Variants in CSGALNACT1 observed in about 807,000 individuals in gnomAD.
The protein encoded by CSGALNACT1 is beta4GalNAcT-1.
Under a neutral mutation model 51.0 loss-of-function variants are expected in CSGALNACT1, and 52 were observed. That is an observed-to-expected ratio of 1.02 (90% confidence interval 0.82 to 1.29). The LOEUF (loss-of-function observed/expected upper bound fraction) is 1.29, where lower values mean the gene tolerates loss of function less well. Among genes scored for constraint, CSGALNACT1 ranks in the 50% most tolerant of loss-of-function variants. The pLI, the probability that CSGALNACT1 is intolerant of heterozygous loss-of-function variation, is 0.00. For missense variants in CSGALNACT1, 935 were observed against 679.2 expected, an observed-to-expected ratio of 1.38 and a Z score of -4.19; for synonymous variants, 341 against 254.4, an observed-to-expected ratio of 1.34 and a Z score of -3.24.
In CSGALNACT1 at chr8:19,748,491, C is replaced by T. The variant is rs562231152; in HGVS notation, c.-297+9359G>A. 1.3e-3 allele frequency among the ~76,000 whole-genome samples: 203 copies of T among 152,158 alleles called. 2 individuals carry two copies. The highest frequency in any genetic ancestry group is 2.4e-3 in the Non-Finnish European group (164 of 68,036). ...GCTCCTCCTCATCTTCCCAATGCTC[C>T]TTGACACTCGTTTTCTTTTCCATGT... On this transcript the variant is annotated intron_variant, in intron 1 of 1. Transcript: ENST00000517494.
intron 1 of CSGALNACT1, among the ~76,000 whole-genome samples, chr8:19,729,261 C>G (rs372304787): frequency 1.3e-5 from 2 of 152,172 alleles, no homozygotes; most frequent in East Asian, 1.9e-4. Context: ...TCTCAGCTCA[C>G]TCTAATACTT....
At chr8:19,611,794 T>C (rs747562655) in intron 1 of CSGALNACT1, among the ~76,000 whole-genome samples, 5 of 152,060 alleles carry the variant, frequency 3.3e-5, no homozygotes, top group African/African-American at 4.8e-5. Context: ...CGGTAAGTAG[T>C]AAAGTGATGG....
intron 9 of CSGALNACT1, among the ~76,000 whole-genome samples, chr8:19,407,461 G>C (rs553857632): frequency 6.6e-6 from 1 of 152,082 alleles, no homozygotes; most frequent in African/African-American, 2.4e-5. Flanking sequence ...TGAGATCAAC[G>C]TTTCGGGACT....
chr8:19,735,458 C>T (rs1192908398), intron 1 of CSGALNACT1, among the ~76,000 whole-genome samples: 2 of 152,012 alleles, frequency 1.3e-5, no homozygotes, highest in African/African-American at 4.8e-5. Context: ...TGACCATAAG[C>T]TCAAATCAAA....
chr8:19,548,914 G>A (rs1227184084), intron 3 of CSGALNACT1, among the ~76,000 whole-genome samples: 2 of 152,118 alleles, frequency 1.3e-5, no homozygotes, highest in East Asian at 1.9e-4. Context: ...CGCCTCCCAG[G>A]CTCAAACGAT....
intron 1 of CSGALNACT1, among the ~76,000 whole-genome samples, chr8:19,647,625 G>A (rs945358838): frequency 4.6e-5 from 7 of 152,090 alleles, no homozygotes; most frequent in Non-Finnish European, 1.0e-4. Context: ...CAACAGAGCG[G>A]TGTATTAGGA....
rs17090944 is a variant in CSGALNACT1, at chr8:19,712,464, T to C, written c.-297+45386A>G. ...GGAAAAGAATATAATGGCAGCATTT[T>C]AAACTCATGGTGCCTACCTCTAGCC... On this transcript the variant is annotated intron_variant, in intron 1 of 1. Coordinates refer to the CSGALNACT1 transcript ENST00000517494. 8.1e-3 allele frequency among the ~76,000 whole-genome samples: 1,239 copies of C among 152,288 alleles called. 11 individuals carry two copies. The highest frequency in any genetic ancestry group is 0.029 in the African/African-American group (1,194 of 41,558).
At chr8:19,462,715 C>A (rs1185426557) in intron 4 of CSGALNACT1, among the ~76,000 whole-genome samples, 3 of 152,138 alleles carry the variant, frequency 2.0e-5, no homozygotes, top group Non-Finnish European at 2.9e-5. Context: ...TTGCAACAGT[C>A]ATTACATCCA....
At chr8:19,662,195 T>G (rs1384096245) in intron 1 of CSGALNACT1, among the ~76,000 whole-genome samples, 1 of 149,666 alleles carries the variant, frequency 6.7e-6, no homozygotes, top group African/African-American at 2.5e-5. Context: ...AGGCAGGTGA[T>G]CAACATGGTG....
intron 1 of CSGALNACT1, among the ~76,000 whole-genome samples, chr8:19,632,148 A>C (rs1028419744): frequency 6.6e-6 from 1 of 152,278 alleles, no homozygotes; most frequent in Non-Finnish European, 1.5e-5. Context: ...ATTCTTGAAG[A>C]AAGAGAAATC....
intron 3 of CSGALNACT1, among the ~76,000 whole-genome samples, chr8:19,516,187 ATAT>A (rs1343691289): frequency 1.3e-5 from 2 of 152,102 alleles, no homozygotes; most frequent in African/African-American, 4.8e-5. Flanking sequence ...CACTTCACAA[ATAT>A]TATCTCATTT....
intron 3 of CSGALNACT1, among the ~76,000 whole-genome samples, chr8:19,523,330 T>C (rs2081084611): frequency 6.6e-6 from 1 of 152,204 alleles, no homozygotes; most frequent in South Asian, 2.1e-4. Flanking sequence ...AAGGGCGCGA[T>C]CATGGGTCAC....
chr8:19,720,180 A>G (rs866326716), intron 1 of CSGALNACT1, among the ~76,000 whole-genome samples: 47 of 152,348 alleles, frequency 3.1e-4, no homozygotes, highest in Admixed American at 2.2e-3. Context: ...TCCTAGCACA[A>G]GAGAAGTGAA....
intron 3 of CSGALNACT1, among the ~76,000 whole-genome samples, chr8:19,548,786 A>T (rs188616355): frequency 2.2e-4 from 34 of 152,240 alleles, no homozygotes; most frequent in Non-Finnish European, 4.1e-4. Context: ...TTTAGTATTT[A>T]TCTTCATATT....
chr8:19,428,558 G>T (rs1453912542), intron 6 of CSGALNACT1, among the ~76,000 whole-genome samples: 1 of 152,186 alleles, frequency 6.6e-6, no homozygotes, highest in East Asian at 1.9e-4. Context: ...AGTTCAAGAT[G>T]AGACTTCGGT....
chr8:19,655,550 A>ACACATATATATG (rs1485645591), intron 1 of CSGALNACT1, among the ~76,000 whole-genome samples: 1 of 44,154 alleles, frequency 2.3e-5, no homozygotes, highest in African/African-American at 1.2e-4. Context: ...ATCTATATGC[A>ACACATATATATG]CATATATATA....
intron 1 of CSGALNACT1, among the ~76,000 whole-genome samples, chr8:19,635,654 G>C (rs1051598389): frequency 1.3e-5 from 2 of 152,174 alleles, no homozygotes; most frequent in Admixed American, 1.3e-4. Context: ...TCATAAAGGA[G>C]GGATGGGCAG....
At chr8:19,643,630 A>T (rs6586855) in intron 1 of CSGALNACT1, among the ~76,000 whole-genome samples, 67,223 of 148,874 alleles carry the variant, frequency 0.45, 15,748 homozygotes, top group East Asian at 0.59. Flanking sequence ...AGAGTGAGAC[A>T]CCATCTTAAA....
chr8:19,681,733 T>C (rs2154209214), intron 1 of CSGALNACT1, among the ~76,000 whole-genome samples: 1 of 152,306 alleles, frequency 6.6e-6, no homozygotes, highest in Non-Finnish European at 1.5e-5. Context: ...CTCCCATCTC[T>C]GTCCCCTGCC....
Sources: allele counts gnomAD v4.1 joint callset (sites outside exome capture counted in the v4.1 genomes callset), GRCh38; gene constraint gnomAD v4.1.1; transcripts MANE v1.5; gene names NCBI Gene and HGNC (gene_info 2026-07-23, HGNC 2026-07-21).